Variants in SNTG1 observed in about 807,000 individuals in gnomAD.
SNTG1 encodes the protein syntrophin gamma 1.
A neutral mutation model predicts 74.7 loss-of-function variants in SNTG1; 39 were observed. That is an observed-to-expected ratio of 0.52 (90% CI 0.40 to 0.68). SNTG1 has a LOEUF of 0.68. SNTG1 is among the 30% of genes least tolerant of loss of function. SNTG1 has a pLI of 0.00. For missense variants in SNTG1, 685 were observed against 609.5 expected, an observed-to-expected ratio of 1.12 and a Z score of -1.30; for synonymous variants, 254 against 217.1, an observed-to-expected ratio of 1.17 and a Z score of -1.49.
intron 1 of SNTG1, among the ~76,000 whole-genome samples, chr8:50,060,119 G>A (rs1288160272): frequency 6.6e-6 from 1 of 152,054 alleles, no homozygotes; most frequent in African/African-American, 2.4e-5. Flanking sequence ...AAGCATCTTT[G>A]TATGTGCTTT....
chr8:50,357,533 T>G (rs988519117), intron 2 of SNTG1, among the ~76,000 whole-genome samples: 2 of 152,224 alleles, frequency 1.3e-5, no homozygotes, highest in African/African-American at 4.8e-5. Flanking sequence ...ACTCTTCCTG[T>G]TACCAAGATG....
chr8:50,108,141 C>T (rs1021526389), intron 1 of SNTG1, among the ~76,000 whole-genome samples: 1 of 152,142 alleles, frequency 6.6e-6, no homozygotes, highest in Non-Finnish European at 1.5e-5. Flanking sequence ...AGTTTTCTCT[C>T]TTTAAATAAT....
chr8:50,434,135 C>T lies in SNTG1; in HGVS notation c.163-4408C>T, dbSNP rs571377743. Reference sequence around the variant, plus strand: ...ATTCCCACCTATGAGTGAGAACATGCGGTGTTTGGTTCTTTGTCCTTGCCA... The same window carrying T: ...ATTCCCACCTATGAGTGAGAACATGTGGTGTTTGGTTCTTTGTCCTTGCCA... On this transcript the variant is annotated intron_variant, in intron 4 of 18. Coordinates refer to ENST00000642720, the MANE Select transcript of SNTG1 (RefSeq NM_018967.5). Among the ~76,000 whole-genome samples, 11 of 150,240 alleles carry T rather than the reference C, an allele frequency of 7.3e-5. No individual in the cohort carries two copies. The East Asian group carries it at 1.0e-3, about 14-fold the overall frequency.
chr8:50,455,112 G>T (rs920070885), intron 8 of SNTG1, among the ~76,000 whole-genome samples: 3 of 152,106 alleles, frequency 2.0e-5, no homozygotes, highest in Non-Finnish European at 4.4e-5. Context: ...CTCTTCACTA[G>T]AAATAATAGT....
intron 2 of SNTG1, among the ~76,000 whole-genome samples, chr8:50,317,274 G>A (rs918350873): frequency 3.3e-5 from 5 of 152,120 alleles, no homozygotes; most frequent in African/African-American, 9.7e-5. Flanking sequence ...CTAATTGCCA[G>A]GTGACATAGT....
intron 4 of SNTG1, 132 bp downstream of exon 4, chr8:50,402,476 A>G (rs1017240093): frequency 2.6e-6 from 3 of 1,138,982 alleles, no homozygotes; most frequent in Non-Finnish European, 3.7e-6. Flanking sequence ...ATTTTTGCTT[A>G]CATCATTAAG....
chr8:50,500,293 C>T (rs1236420077), intron 8 of SNTG1, among the ~76,000 whole-genome samples: 2 of 150,674 alleles, frequency 1.3e-5, no homozygotes, highest in Non-Finnish European at 1.5e-5. Flanking sequence ...ATTCTGTCCT[C>T]ATCTTTGTTA....
chr8:50,163,205 T>C (rs113155780), intron 1 of SNTG1, among the ~76,000 whole-genome samples: 5 of 152,316 alleles, frequency 3.3e-5, no homozygotes, highest in African/African-American at 1.2e-4. Context: ...AGCCAGTTAT[T>C]CCACCGCCCT....
intron 8 of SNTG1, among the ~76,000 whole-genome samples, chr8:50,482,028 A>G (rs2093745152): frequency 6.6e-6 from 1 of 152,206 alleles, no homozygotes; most frequent in Non-Finnish European, 1.5e-5. Context: ...GAACATAGGA[A>G]CAGAATCAGC....
chr8:50,492,300 G>A (rs911756318), intron 8 of SNTG1, among the ~76,000 whole-genome samples: 3 of 152,120 alleles, frequency 2.0e-5, no homozygotes, highest in Non-Finnish European at 4.4e-5. Context: ...AGATCCTTGA[G>A]GAATTGCCAC....
At chr8:50,454,829 T>TAAAAAAAA (rs1158732952) in intron 8 of SNTG1, among the ~76,000 whole-genome samples, 8 of 95,150 alleles carry the variant, frequency 8.4e-5, no homozygotes, top group African/African-American at 3.5e-4. Context: ...CAGACAGAGC[T>TAAAAAAAA]AAAAAAAAAA....
chr8:49,963,836 C>T (rs1338765895), intron 1 of SNTG1, among the ~76,000 whole-genome samples: 1 of 152,116 alleles, frequency 6.6e-6, no homozygotes, highest in Non-Finnish European at 1.5e-5. Flanking sequence ...TTTCCATAGC[C>T]AATATGATAA....
intron 13 of SNTG1, among the ~76,000 whole-genome samples, chr8:50,593,868 C>G (rs2130890410): frequency 6.6e-6 from 1 of 152,134 alleles, no homozygotes; most frequent in East Asian, 1.9e-4. Context: ...CAGGCATGCA[C>G]CACCACGCCT....
chr8:50,695,874 T>C (rs2095403073), intron 15 of SNTG1, among the ~76,000 whole-genome samples: 1 of 151,616 alleles, frequency 6.6e-6, no homozygotes, highest in African/African-American at 2.4e-5. Flanking sequence ...TTATTATTCA[T>C]CACATAGGTT....
At chr8:50,158,012 C>A (rs1016885948) in intron 1 of SNTG1, among the ~76,000 whole-genome samples, 6 of 152,040 alleles carry the variant, frequency 3.9e-5, no homozygotes, top group African/African-American at 1.4e-4. Flanking sequence ...ACTGTCCTGG[C>A]AAATTGTAAA....
At chr8:50,166,496 A>G (rs1317972806) in intron 1 of SNTG1, among the ~76,000 whole-genome samples, 1 of 11,510 alleles carries the variant, frequency 8.7e-5, no homozygotes, top group East Asian at 1.3e-3. Context: ...GAAGACATTT[A>G]TGCAGCCAAA....
At chr8:50,710,171 T>A (rs539252947) in intron 17 of SNTG1, among the ~76,000 whole-genome samples, 2 of 152,156 alleles carry the variant, frequency 1.3e-5, no homozygotes, top group Non-Finnish European at 2.9e-5. Context: ...TATTTTAACA[T>A]GGTAAAATTA....
chr8:50,643,524 G>A (rs13252069), intron 13 of SNTG1, among the ~76,000 whole-genome samples: 34,171 of 152,082 alleles, frequency 0.22, 4,454 homozygotes, highest in African/African-American at 0.35. Flanking sequence ...TTGTAAACTC[G>A]CAACCAACTA....
intron 9 of SNTG1, among the ~76,000 whole-genome samples, chr8:50,528,224 G>A (rs2094237965): frequency 6.6e-6 from 1 of 151,876 alleles, no homozygotes; most frequent in Non-Finnish European, 1.5e-5. Context: ...TGATACTAGT[G>A]GGGAATAATC....
Sources: allele counts gnomAD v4.1 joint callset (sites outside exome capture counted in the v4.1 genomes callset), GRCh38; gene constraint gnomAD v4.1.1; transcripts MANE v1.5; gene names NCBI Gene and HGNC (gene_info 2026-07-23, HGNC 2026-07-21).